Variants in SMCO4 observed in about 807,000 individuals in gnomAD.
SMCO4 encodes the protein single-pass membrane protein with coiled-coil domains 4.
SMCO4 carries 4 observed loss-of-function variants against 3.6 expected under a neutral mutation model. The observed-to-expected ratio is 1.11, with a 90% CI of 0.54 to 2.53. SMCO4 has a LOEUF of 2.53. Ranked by LOEUF, SMCO4 falls within the 30% of genes most tolerant of loss-of-function variation. The pLI is 0.02. For missense variants in SMCO4, 70 were observed against 80.8 expected (o/e 0.87, Z 0.51); for synonymous variants, 36 against 35.3 (o/e 1.02, Z -0.07).
chr11:93,480,762 G>A (rs1948582768), intron 2 of SMCO4, among the ~76,000 whole-genome samples: 1 of 152,156 alleles, frequency 6.6e-6, no homozygotes, highest in Non-Finnish European at 1.5e-5. Context: ...GACCGAGGTG[G>A]TAGAATGTGA....
intron 2 of SMCO4, among the ~76,000 whole-genome samples, chr11:93,490,727 G>A (rs941240146): frequency 1.3e-5 from 2 of 152,212 alleles, no homozygotes; most frequent in African/African-American, 4.8e-5. Flanking sequence ...ATAAATTACA[G>A]GTTGAAGAAG....
At chr11:93,542,238 G>A (rs1949276577) in intron 1 of SMCO4, among the ~76,000 whole-genome samples, 1 of 152,174 alleles carries the variant, frequency 6.6e-6, no homozygotes, top group Non-Finnish European at 1.5e-5. Context: ...GCAGACACTA[G>A]CAGGCCATGT....
intron 1 of SMCO4, among the ~76,000 whole-genome samples, chr11:93,504,997 C>T (rs1412883323): frequency 2.0e-5 from 3 of 152,202 alleles, no homozygotes; most frequent in African/African-American, 7.2e-5. Flanking sequence ...TTTATGCATA[C>T]TTCATGCAGT....
chr11:93,481,442 C>A (rs1376440801), intron 2 of SMCO4: 2 of 985,280 alleles, frequency 2.0e-6, no homozygotes, highest in Non-Finnish European at 2.4e-6. Flanking sequence ...TTCGCGGGAC[C>A]GTGGTGAGGA....
chr11:93,549,765 T>C, the SMCO4 span, among the ~76,000 whole-genome samples: 1 of 151,896 alleles, frequency 6.6e-6, no homozygotes, highest in African/African-American at 2.4e-5. Flanking sequence ...GGCCAAGAGG[T>C]AAAACTTACC....
At chr11:93,516,061 G>A (rs1949005171) in intron 1 of SMCO4, among the ~76,000 whole-genome samples, 1 of 152,064 alleles carries the variant, frequency 6.6e-6, no homozygotes, top group Non-Finnish European at 1.5e-5. Flanking sequence ...CCTATTACAT[G>A]GCTGCAATTA....
chr11:93,491,171 C>G (rs540948386), intron 2 of SMCO4, among the ~76,000 whole-genome samples: 1 of 152,228 alleles, frequency 6.6e-6, no homozygotes, highest in African/African-American at 2.4e-5. Context: ...ACTTCCTTAA[C>G]GGCAGCTCAA....
intron 1 of SMCO4, among the ~76,000 whole-genome samples, chr11:93,539,686 C>T (rs926568217): frequency 6.6e-6 from 1 of 152,164 alleles, no homozygotes; most frequent in Non-Finnish European, 1.5e-5. Context: ...TATGGAAACT[C>T]ATTTGTGATG....
At chr11:93,528,071 A>G (rs896625177) in intron 1 of SMCO4, among the ~76,000 whole-genome samples, 2 of 152,014 alleles carry the variant, frequency 1.3e-5, no homozygotes, top group African/African-American at 4.8e-5. Flanking sequence ...ATCATTAATA[A>G]TTTTAATAGT....
At chr11:93,553,004 C>T in the SMCO4 span, among the ~76,000 whole-genome samples, 4 of 152,182 alleles carry the variant, frequency 2.6e-5, no homozygotes, top group East Asian at 1.9e-4. Flanking sequence ...GTGACCAGAA[C>T]GTCAAAGGCC....
At chr11:93,542,747 CG>C (rs1476764426) in intron 1 of SMCO4, among the ~76,000 whole-genome samples, 1 of 152,096 alleles carries the variant, frequency 6.6e-6, no homozygotes, top group Admixed American at 6.5e-5. Flanking sequence ...CTCTACTCCC[CG>C]ACCCCCAGGC....
intron 1 of SMCO4, among the ~76,000 whole-genome samples, chr11:93,524,792 C>A (rs1949090379): frequency 6.6e-6 from 1 of 152,190 alleles, no homozygotes; most frequent in Admixed American, 6.5e-5. Flanking sequence ...GCGTTCCCCA[C>A]CTATGTTAAC....
intron 1 of SMCO4, among the ~76,000 whole-genome samples, chr11:93,532,747 G>A (rs1297210825): frequency 6.6e-6 from 1 of 152,178 alleles, no homozygotes; most frequent in African/African-American, 2.4e-5. Context: ...AAGCTGGAAG[G>A]GAGGCATGGA....
chr11:93,481,372 C>G, intron 2 of SMCO4: 1 of 961,672 alleles, frequency 1.0e-6, no homozygotes, highest in Non-Finnish European at 1.2e-6. Flanking sequence ...CCGTGGGCGG[C>G]CCAGGGACGG....
intron 2 of SMCO4, among the ~76,000 whole-genome samples, chr11:93,487,907 T>C (rs1162988564): frequency 1.3e-5 from 2 of 152,238 alleles, no homozygotes; most frequent in East Asian, 3.8e-4. Flanking sequence ...TATCTATCAT[T>C]CAAATATTTT....
chr11:93,481,648 A>T (rs1948594195), intron 2 of SMCO4: 1 of 346,894 alleles, frequency 2.9e-6, no homozygotes, highest in Admixed American at 6.4e-5. Context: ...CCCAGTTTGT[A>T]AATACCCCAT....
intron 1 of SMCO4, among the ~76,000 whole-genome samples, chr11:93,534,213 TATACACACACACAC>T (rs1949191427): frequency 3.9e-5 from 1 of 25,922 alleles, no homozygotes; most frequent in Non-Finnish European, 1.1e-4. Flanking sequence ...AAAATATATA[TATACACACACACAC>T]ACACACACAC....
rs138490016 is a variant in SMCO4, at chr11:93,507,664, CATTG to C, written c.-153-8320_-153-8317del. 2.8e-4 allele frequency among the ~76,000 whole-genome samples: 42 copies of C among 152,198 alleles called. 1 individual carries two copies. The highest frequency in any genetic ancestry group is 1.5e-5 in the Non-Finnish European group (1 of 68,038). Reference sequence around the variant, plus strand: ...TAATGTAACAGCATTATGAAAAGTTCATTGATTGGTTTCAGAGTCTATGTTGCAA... The same window carrying C: ...TAATGTAACAGCATTATGAAAAGTTCATTGGTTTCAGAGTCTATGTTGCAA... On this transcript the variant is annotated intron_variant, in intron 1 of 2. Transcript: ENST00000298966.
At chr11:93,553,958 C>T in the SMCO4 span, among the ~76,000 whole-genome samples, 1 of 152,196 alleles carries the variant, frequency 6.6e-6, no homozygotes. Context: ...CTTCTGAATA[C>T]TTCCAAAGCA....
Sources: gnomAD v4.1 joint callset for allele counts (sites outside exome capture counted in the v4.1 genomes callset) on GRCh38, gnomAD v4.1.1 for gene constraint, MANE v1.5 for transcripts, NCBI Gene and HGNC (gene_info 2026-07-23, HGNC 2026-07-21) for gene names.